GUCY1A2: variants seen among roughly 807,000 people sequenced by gnomAD.
The protein encoded by GUCY1A2 is guanylate cyclase 1 soluble subunit alpha 2.
GUCY1A2 carries 27 observed loss-of-function variants against 63.5 expected under a neutral mutation model. The observed-to-expected ratio is 0.43, with a 90% CI of 0.31 to 0.59. The LOEUF is 0.59. GUCY1A2 is among the 20% of genes least tolerant of loss of function. The pLI is 0.11. For missense variants in GUCY1A2, 768 were observed against 913.3 expected, an observed-to-expected ratio of 0.84 and a Z score of 2.05; for synonymous variants, 364 against 343.5, an observed-to-expected ratio of 1.06 and a Z score of -0.66.
At chr11:106,900,326 G>A (rs1159795878) in intron 4 of GUCY1A2, among the ~76,000 whole-genome samples, 2 of 152,102 alleles carry the variant, frequency 1.3e-5, no homozygotes, top group African/African-American at 4.8e-5. Flanking sequence ...TGAGACTACA[G>A]CTGCAAGCCC....
chr11:106,855,921 ATTTATTTAT>A (rs1859426606), intron 4 of GUCY1A2, among the ~76,000 whole-genome samples: 1 of 149,106 alleles, frequency 6.7e-6, no homozygotes. Flanking sequence ...TTATTTATTT[ATTTATTTAT>A]TTATTTATTT....
At chr11:106,819,503 T>C (rs968550794) in intron 4 of GUCY1A2, among the ~76,000 whole-genome samples, 3 of 152,170 alleles carry the variant, frequency 2.0e-5, no homozygotes, top group Admixed American at 6.6e-5. Context: ...AGTAGCCATT[T>C]ACATCAAGGT....
intron 2 of GUCY1A2, among the ~76,000 whole-genome samples, chr11:106,980,787 AC>A (rs1861324551): frequency 6.6e-6 from 1 of 152,194 alleles, no homozygotes; most frequent in Non-Finnish European, 1.5e-5. Context: ...ACTCCAATAA[AC>A]CAGTTAGGCA....
In GUCY1A2 at chr11:106,677,223, A is replaced by AATGACAATAGTACT. The variant is rs1862361841; in HGVS notation, c.*10325_*10326insAGTACTATTGTCAT. 4.5e-6 allele frequency: 1 copy of AATGACAATAGTACT among 220,990 alleles called. No homozygotes were observed. The highest frequency in any genetic ancestry group is 9.1e-6 in the Non-Finnish European group (1 of 109,832). The allele number at this position is 220,990 out of a possible 1,614,324, so 13.7% of individuals were successfully genotyped here. On this transcript the variant is annotated 3_prime_UTR_variant, in exon 8 of 8. Coordinates refer to ENST00000526355, the MANE Select transcript of GUCY1A2 (RefSeq NM_000855.3). Reference sequence around the variant, plus strand: ...AGGAAGGAAGGAAGATAGGAAGATAATTCAATGGAAAAAAGAGGAGCTAAG... The same window carrying AATGACAATAGTACT: ...AGGAAGGAAGGAAGATAGGAAGATAAATGACAATAGTACTTTCAATGGAAAAAAGAGGAGCTAAG...
At position 107,017,835 on chromosome 11, in the gene GUCY1A2, GC is replaced by G. The variant is rs1861846021; in HGVS notation, c.220del (p.Ala74ProfsTer24). On this transcript the variant is annotated frameshift_variant, in exon 1 of 8. Coordinates refer to ENST00000526355, the MANE Select transcript of GUCY1A2 (RefSeq NM_000855.3). LOFTEE classifies it high-confidence loss of function. ...AASAAAAAATAGARRVQRRRR... is the reference protein window; with the variant it reads ...AASAAAAAATXGARRVQRRRR... ...CCGGCGCTGCACCCTCCTGGCCCCGGCAGTGGCAGCGGCGGCGGCGGCAGAA... is the reference window on the plus strand; with the variant it reads ...CCGGCGCTGCACCCTCCTGGCCCCGGAGTGGCAGCGGCGGCGGCGGCAGAA... The G allele has an allele frequency of 7.8e-7, 1 of 1,285,306 alleles. No homozygotes were observed. Among genetic ancestry groups the G allele is most frequent in the Non-Finnish European group, 9.8e-7 (1 of 1,018,158 alleles). The allele number at this position is 1,285,306 out of a possible 1,614,324, so 79.6% of individuals were successfully genotyped here.
intron 4 of GUCY1A2, among the ~76,000 whole-genome samples, chr11:106,894,173 GA>G (rs1388398039): frequency 6.6e-6 from 1 of 152,132 alleles, no homozygotes; most frequent in East Asian, 1.9e-4. Context: ...AACAGGTCAA[GA>G]AACAGAGTAA....
At position 106,939,688 on chromosome 11, in the gene GUCY1A2, G is replaced by A. The variant is rs377016020; in HGVS notation, c.978C>T (p.Ala326=). Residue 326 remains alanine (A), a synonymous_variant, in exon 4 of 8, where the codon GCC becomes GCT. Transcript: ENST00000526355. ...GATCAAACATCAAGTGGAAAGGGAA[G>A]GCTCTACAGAAGGTGTTGATGCTAA... ...LRISINTFCR[A]FPFHLMFDPS... 4 of 1,613,914 alleles carry A rather than the reference G, an allele frequency of 2.5e-6. No individual in the cohort carries two copies. Among genetic ancestry groups the A allele is most frequent in the Non-Finnish European group, 3.4e-6 (4 of 1,179,816 alleles).
chr11:107,013,505 A>C (rs1846355733), intron 1 of GUCY1A2, among the ~76,000 whole-genome samples: 1 of 152,246 alleles, frequency 6.6e-6, no homozygotes, highest in Non-Finnish European at 1.5e-5. Context: ...AATGTAATAA[A>C]TGATTTATAC....
chr11:106,889,982 A>T (rs1030851164), intron 4 of GUCY1A2, among the ~76,000 whole-genome samples: 3 of 152,122 alleles, frequency 2.0e-5, no homozygotes, highest in African/African-American at 7.2e-5. Context: ...AAATCTCTTA[A>T]CCTCTCAGAC....
intron 6 of GUCY1A2, among the ~76,000 whole-genome samples, chr11:106,710,071 A>G (rs1183003189): frequency 1.8e-5 from 2 of 110,734 alleles, no homozygotes; most frequent in South Asian, 3.0e-4. Flanking sequence ...CATGTATATA[A>G]TATATAGTTA....
rs1283073791 is a variant in GUCY1A2, at chr11:106,681,791, A to T, written c.*5758T>A. 2 of 218,902 alleles carry T rather than the reference A, an allele frequency of 9.1e-6. No homozygotes were observed. Among genetic ancestry groups the T allele is most frequent in the Non-Finnish European group, 1.8e-5 (2 of 109,162 alleles). 13.6% of individuals were successfully genotyped at this position (218,902 alleles called of 1,614,324 possible). On this transcript the variant is annotated 3_prime_UTR_variant, in exon 8 of 8. Coordinates refer to ENST00000526355, the MANE Select transcript of GUCY1A2 (RefSeq NM_000855.3). ...AGTGCAAGCTTCATATGGCATCATC[A>T]CCATGGCTTAAATTATTGCTTGAAA...
At chr11:106,933,062 A>C (rs1455514391) in intron 4 of GUCY1A2, among the ~76,000 whole-genome samples, 2 of 152,154 alleles carry the variant, frequency 1.3e-5, no homozygotes, top group Non-Finnish European at 2.9e-5. Context: ...GCCTTGGGAA[A>C]GAATTTGTTA....
chr11:106,795,773 A>G (rs1864746991), intron 5 of GUCY1A2, among the ~76,000 whole-genome samples: 1 of 152,206 alleles, frequency 6.6e-6, no homozygotes, highest in Non-Finnish European at 1.5e-5. Context: ...AACACAAATC[A>G]TTTAAAACTT....
At chr11:106,784,531 C>T (rs138380660) in intron 5 of GUCY1A2, among the ~76,000 whole-genome samples, 59 of 152,220 alleles carry the variant, frequency 3.9e-4, no homozygotes, top group Non-Finnish European at 7.5e-4. Flanking sequence ...CTCCACCTCC[C>T]ATAGGGAACA....
At chr11:106,919,507 A>G (rs2119895467) in intron 4 of GUCY1A2, among the ~76,000 whole-genome samples, 1 of 152,242 alleles carries the variant, frequency 6.6e-6, no homozygotes, top group Admixed American at 6.5e-5. Flanking sequence ...ATATAATTTT[A>G]TTCATCAATT....
chr11:106,786,149 C>G (rs1212016329), intron 5 of GUCY1A2, among the ~76,000 whole-genome samples: 2 of 152,150 alleles, frequency 1.3e-5, no homozygotes, highest in Non-Finnish European at 2.9e-5. Context: ...TAAACACACC[C>G]AAGCTCATTG....
At chr11:106,973,321 T>C (rs2120102248) in intron 3 of GUCY1A2, among the ~76,000 whole-genome samples, 1 of 152,150 alleles carries the variant, frequency 6.6e-6, no homozygotes, top group Non-Finnish European at 1.5e-5. Flanking sequence ...TGTCACAGTG[T>C]TTACTATAGC....
At chr11:106,987,413 G>A (rs1861415643) in intron 1 of GUCY1A2, among the ~76,000 whole-genome samples, 1 of 152,210 alleles carries the variant, frequency 6.6e-6, no homozygotes, top group Non-Finnish European at 1.5e-5. Context: ...CACTTTGGGA[G>A]GCCGAGGCAC....
intron 6 of GUCY1A2, among the ~76,000 whole-genome samples, chr11:106,719,822 A>G (rs971454087): frequency 2.0e-5 from 3 of 152,236 alleles, no homozygotes; most frequent in African/African-American, 7.2e-5. Context: ...GTTGAAATCT[A>G]TGAGTGTACA....
Sources: allele counts gnomAD v4.1 joint callset (sites outside exome capture counted in the v4.1 genomes callset), GRCh38; gene constraint gnomAD v4.1.1; transcripts MANE v1.5; gene names NCBI Gene and HGNC (gene_info 2026-07-23, HGNC 2026-07-21).